PSIP1: variants seen among roughly 807,000 people sequenced by gnomAD.
The protein encoded by PSIP1 is PC4 and SRSF1 interacting protein 1.
A neutral mutation model predicts 74.7 loss-of-function variants in PSIP1; 19 were observed. That is an observed-to-expected ratio of 0.25 (90% CI 0.18 to 0.37). PSIP1 has a LOEUF of 0.37. PSIP1 is among the 10% of genes least tolerant of loss of function. PSIP1 has a pLI of 1.00. For synonymous variants in PSIP1, 222 were observed against 195.3 expected (o/e 1.14, Z -1.14); for missense variants, 601 against 614.3 (o/e 0.98, Z 0.23).
intron 3 of PSIP1, among the ~76,000 whole-genome samples, chr9:15,502,256 C>T (rs1020505472): frequency 6.6e-6 from 1 of 152,092 alleles, no homozygotes; most frequent in African/African-American, 2.4e-5. Flanking sequence ...TGTTACATTG[C>T]ATTAAGGTAA....
chr9:15,474,453 A>G (rs902016507), intron 8 of PSIP1, among the ~76,000 whole-genome samples: 1 of 152,218 alleles, frequency 6.6e-6, no homozygotes, highest in Non-Finnish European at 1.5e-5. Flanking sequence ...TATGGAACTT[A>G]AATTCTACAT....
At chr9:15,497,617 G>A (rs982820766) in intron 3 of PSIP1, among the ~76,000 whole-genome samples, 2 of 151,934 alleles carry the variant, frequency 1.3e-5, no homozygotes, top group African/African-American at 4.8e-5. Flanking sequence ...GAGCCACCGC[G>A]CCCGGCTGAT....
intron 5 of PSIP1, 93 bp from the exon 6 acceptor site, chr9:15,486,161 G>T: frequency 2.0e-6 from 2 of 1,012,098 alleles, no homozygotes; most frequent in Non-Finnish European, 3.0e-6. Flanking sequence ...ACGTTTAACT[G>T]AAAGCATTGG....
At position 15,469,103 on chromosome 9, in the gene PSIP1, A is replaced by C. The variant is rs1554653501; in HGVS notation, c.1105-45T>G. On this transcript the variant is annotated intron_variant, in intron 12 of 15. Transcript: ENST00000380733. ...TTTCATAGCTGTTAATTATCTTAAC[A>C]CTTAAACAATCTGTTTCTAAAGATC... is the stretch of plus-strand genomic sequence containing the variant. 7.1e-6 allele frequency: 11 copies of C among 1,541,866 alleles called. No homozygotes were observed. In the South Asian group the frequency reaches 1.2e-4, roughly 16 times the overall value.
intron 10 of PSIP1, chr9:15,472,212 G>A (rs2035867562): frequency 1.0e-6 from 1 of 988,230 alleles, no homozygotes; most frequent in Admixed American, 6.1e-5. Context: ...ATGTGCTTTT[G>A]TTACTTTTGC....
At chr9:15,501,875 C>T (rs1001807155) in intron 3 of PSIP1, among the ~76,000 whole-genome samples, 5 of 119,262 alleles carry the variant, frequency 4.2e-5, no homozygotes, top group African/African-American at 1.8e-4. Flanking sequence ...ATAAAACGCA[C>T]ACCCTCCCAT....
intron 3 of PSIP1, among the ~76,000 whole-genome samples, chr9:15,499,213 G>A (rs140299245): frequency 1.3e-5 from 2 of 152,138 alleles, no homozygotes; most frequent in Non-Finnish European, 2.9e-5. Flanking sequence ...TTGTAATACA[G>A]TCTTTGAAAC....
chr9:15,491,373 C>G (rs142556666), intron 3 of PSIP1, among the ~76,000 whole-genome samples: 2 of 152,210 alleles, frequency 1.3e-5, no homozygotes, highest in Non-Finnish European at 2.9e-5. Context: ...TTCCCTTGTA[C>G]AACCTCAGCT....
intron 3 of PSIP1, among the ~76,000 whole-genome samples, chr9:15,500,854 C>T (rs1399949584): frequency 6.6e-6 from 1 of 152,014 alleles, no homozygotes; most frequent in Non-Finnish European, 1.5e-5. Flanking sequence ...AGGAATAGTC[C>T]CTGAATTAGC....
intron 3 of PSIP1, among the ~76,000 whole-genome samples, chr9:15,494,076 C>G (rs1046142331): frequency 2.0e-5 from 3 of 152,096 alleles, no homozygotes; most frequent in Non-Finnish European, 4.4e-5. Context: ...CCCAAAGCAA[C>G]AGGAAAATGG....
chr9:15,497,279 C>T (rs1047649269), intron 3 of PSIP1, among the ~76,000 whole-genome samples: 4 of 150,028 alleles, frequency 2.7e-5, no homozygotes, highest in African/African-American at 9.9e-5. Context: ...AAACATCATC[C>T]TAAGTGAGAA....
chr9:15,500,421 C>T (rs979298425), intron 3 of PSIP1, among the ~76,000 whole-genome samples: 2 of 151,822 alleles, frequency 1.3e-5, no homozygotes, highest in African/African-American at 4.8e-5. Flanking sequence ...GCGGAGATTG[C>T]GCCACTGCCA....
chr9:15,468,008 T>C lies in PSIP1; in HGVS notation c.1420+622A>G, dbSNP rs146166942. ...GGTGGCGTATGCCTGTAATCCCAGCTACTCTGGAGGTTGAGGCAGGAGAAT... is the reference window on the plus strand; with the variant it reads ...GGTGGCGTATGCCTGTAATCCCAGCCACTCTGGAGGTTGAGGCAGGAGAAT... On this transcript the variant is annotated intron_variant, in intron 14 of 15. Coordinates refer to ENST00000380733, the MANE Select transcript of PSIP1 (RefSeq NM_033222.5). 8.4e-4 allele frequency among the ~76,000 whole-genome samples: 128 copies of C among 151,688 alleles called. 5 individuals are homozygous for C. The East Asian group carries it at 0.023, about 27-fold the overall frequency.
intron 2 of PSIP1, 105 bp downstream of exon 2, chr9:15,510,012 G>A (rs1371991420): frequency 3.4e-6 from 4 of 1,169,822 alleles, no homozygotes; most frequent in African/African-American, 1.6e-5. Flanking sequence ...TGAGACTAAA[G>A]CGAGGGAGAG....
rs1428146714 is a variant in PSIP1, at chr9:15,471,856, A to C, written c.977+776T>G. On this transcript the variant is annotated intron_variant, in intron 10 of 15. Transcript: ENST00000380733. ...TAGAGCATGTTTTAAAAATCACCTCACTAAAACAACAACAAAAAAACAAAA... is the reference window on the plus strand; with the variant it reads ...TAGAGCATGTTTTAAAAATCACCTCCCTAAAACAACAACAAAAAAACAAAA... The C allele has an allele frequency of 4.1e-6, 4 of 974,378 alleles. No individual in the cohort carries two copies. In the African/African-American group the frequency reaches 7.0e-5, roughly 17 times the overall value. The allele number at this position is 974,378 out of a possible 1,614,324, so 60.4% of individuals were successfully genotyped here.
chr9:15,469,296 C>T lies in PSIP1; in HGVS notation c.1074G>A (p.Glu358=). The change falls in exon 12 of 16, where the codon GAG becomes GAA. Residue 358 remains glutamate, a synonymous_variant. Coordinates refer to ENST00000380733, the MANE Select transcript of PSIP1 (RefSeq NM_033222.5). ...TATCAATTTTGAGTGAATTTTTAAT[C>T]TCAGCATGTATCCTTTGAAGTCGAG... ...MDSRLQRIHA[E]IKNSLKIDNL... 1 of 1,574,484 alleles carries T rather than the reference C, an allele frequency of 6.4e-7. No individual in the cohort carries two copies. Among genetic ancestry groups the T allele is most frequent in the East Asian group, 2.2e-5 (1 of 44,572 alleles).
chr9:15,465,256 T>A lies in PSIP1; in HGVS notation c.*264A>T, dbSNP rs2035538796. The A allele has an allele frequency of 2.5e-6, 1 of 392,178 alleles. No individual in the cohort carries two copies. Among genetic ancestry groups the A allele is most frequent in the Middle Eastern group, 6.6e-4 (1 of 1,516 alleles). The allele number at this position is 392,178 out of a possible 1,614,324, so 24.3% of individuals were successfully genotyped here. ...AACATACACACACTAATTGAAAATA[T>A]GCTACAACCATGTCTGGAAAAGCAG... is the stretch of plus-strand genomic sequence containing the variant. On this transcript the variant is annotated 3_prime_UTR_variant, in exon 16 of 16. Coordinates refer to ENST00000380733, the MANE Select transcript of PSIP1 (RefSeq NM_033222.5).
At chr9:15,485,683 AT>A (rs1394237064) in intron 6 of PSIP1, among the ~76,000 whole-genome samples, 29 of 152,224 alleles carry the variant, frequency 1.9e-4, no homozygotes, top group African/African-American at 7.0e-4. Context: ...TAGCATAAAC[AT>A]TTCACATATG....
chr9:15,488,946 G>A (rs2737838), intron 4 of PSIP1, among the ~76,000 whole-genome samples: 137,846 of 151,698 alleles, frequency 0.91, 62,799 homozygotes, highest in African/African-American at 0.95. Flanking sequence ...GTGTGAACCC[G>A]GGAGGCGGAG....
Sources: allele counts gnomAD v4.1 joint callset (sites outside exome capture counted in the v4.1 genomes callset), GRCh38; gene constraint gnomAD v4.1.1; transcripts MANE v1.5; gene names NCBI Gene and HGNC (gene_info 2026-07-23, HGNC 2026-07-21).